PREX2: variants seen among roughly 807,000 people sequenced by gnomAD.
PREX2 encodes the protein phosphatidylinositol-3,4,5-trisphosphate dependent Rac exchange factor 2.
In PREX2, 107 loss-of-function variants were observed where a neutral mutation model predicts 203.2. The ratio of observed to expected loss-of-function variants is 0.53; its 90% CI spans 0.45 to 0.62. The LOEUF (loss-of-function observed/expected upper bound fraction) is 0.62, where lower values mean the gene tolerates loss of function less well. PREX2 is among the 20% of genes least tolerant of loss of function. The probability of loss-of-function intolerance (pLI) is 0.00; values close to 1 mark genes in which losing one functional copy is unlikely to be tolerated. For missense variants in PREX2, 1,777 were observed against 1,955.9 expected, an observed-to-expected ratio of 0.91 and a Z score of 1.72; for synonymous variants, 672 against 663.6, an observed-to-expected ratio of 1.01 and a Z score of -0.19.
intron 25 of PREX2, among the ~76,000 whole-genome samples, chr8:68,110,591 G>A (rs1029257176): frequency 5.3e-5 from 8 of 151,864 alleles, no homozygotes; most frequent in Admixed American, 1.3e-4. Context: ...AAATGGCTAC[G>A]GATGTGAACT....
At chr8:68,083,138 A>G (rs1378920916) in intron 17 of PREX2, 102 bp from the exon 18 acceptor site, 5 of 780,108 alleles carry the variant, frequency 6.4e-6, no homozygotes, top group Non-Finnish European at 1.0e-5. Context: ...TAAAATGTCA[A>G]TATCTATAAG....
At position 68,232,418 on chromosome 8, in the gene PREX2, C is replaced by T. The variant is rs188266216; in HGVS notation, c.*1040C>T. ...TATGGATGCACAAGGTGTATTCTAT[C>T]CTTATTCTAAAGTATATGTAATGTT... On this transcript the variant is annotated 3_prime_UTR_variant, in exon 40 of 40. Transcript: ENST00000288368. 17 of 152,120 alleles carry T rather than the reference C, an allele frequency of 1.1e-4. No homozygotes were observed. The East Asian group carries it at 3.3e-3, about 29-fold the overall frequency. 9.4% of individuals were successfully genotyped at this position (152,120 alleles called of 1,614,324 possible).
At position 68,038,166 on chromosome 8, in the gene PREX2, A is replaced by G. The variant is rs145510081; in HGVS notation, c.713A>G (p.Asn238Ser). ...QSHIEGWEGS[N>S]ITDTCTEMLM... ...GCATTTCTCCTGACTTAGGGGTCCA[A>G]CATCACTGACACCTGCACTGAAATG... is the stretch of plus-strand genomic sequence containing the variant. The change falls in exon 7 of 40, where the codon AAC becomes AGC. Residue 238 changes from asparagine (N) to serine (S), a missense_variant. By Grantham distance (46) the Asn-to-Ser change is conservative. Coordinates refer to ENST00000288368, the MANE Select transcript of PREX2 (RefSeq NM_024870.4). 18 of 1,613,476 alleles carry G rather than the reference A, an allele frequency of 1.1e-5. No individual in the cohort carries two copies. The highest frequency in any genetic ancestry group is 5.3e-5 in the African/African-American group (4 of 74,912).
At chr8:68,038,054 C>A (rs6986739) in intron 6 of PREX2, 105 bp from the exon 7 acceptor site, 630,719 of 1,255,638 alleles carry the variant, frequency 0.5, 164,016 homozygotes, top group African/African-American at 0.78. Context: ...CTGTGCATAG[C>A]TTGCTTCTTA....
intron 11 of PREX2, among the ~76,000 whole-genome samples, chr8:68,066,182 A>T (rs917998556): frequency 2.0e-5 from 3 of 152,154 alleles, no homozygotes; most frequent in African/African-American, 7.2e-5. Flanking sequence ...TGCAGTGAAC[A>T]TGGGGGTACA....
intron 1 of PREX2, among the ~76,000 whole-genome samples, chr8:68,016,207 G>A (rs555967814): frequency 8.5e-5 from 13 of 152,220 alleles, no homozygotes; most frequent in Non-Finnish European, 1.8e-4. Context: ...ACTACCCATT[G>A]CGTTTTGGTA....
At position 68,135,099 on chromosome 8, in the gene PREX2, T is replaced by TGTGTGTGTGTGTG. The variant is rs58263470; in HGVS notation, c.3984+823_3984+824insGTGTGTGTGTGTG. Among the ~76,000 whole-genome samples, 1,188 of 148,882 alleles carry TGTGTGTGTGTGTG rather than the reference T, an allele frequency of 8.0e-3. 10 individuals are homozygous for TGTGTGTGTGTGTG. The highest frequency in any genetic ancestry group is 0.018 in the Middle Eastern group (5 of 284). ...ACATGTTTGAGCTTAAAAACAAATT[T>TGTGTGTGTGTGTG]TGTGTGTGTGTGTGTGTGTGTGTGT... On this transcript the variant is annotated intron_variant, in intron 32 of 39. Transcript: ENST00000288368.
At chr8:68,100,087 G>T (rs1485084683) in intron 23 of PREX2, 4 of 618,914 alleles carry the variant, frequency 6.5e-6, no homozygotes, top group Admixed American at 1.8e-5. Flanking sequence ...GAGGCCTAAA[G>T]AATTAAATTA....
chr8:68,020,673 A>G (rs962805475), intron 3 of PREX2, among the ~76,000 whole-genome samples: 15 of 152,154 alleles, frequency 9.9e-5, no homozygotes, highest in Non-Finnish European at 1.0e-4. Context: ...TTTCTTGGGC[A>G]CAGCTGGAAG....
At chr8:68,090,040 A>G (rs1809821946) in intron 19 of PREX2, among the ~76,000 whole-genome samples, 1 of 152,262 alleles carries the variant, frequency 6.6e-6, no homozygotes, top group African/African-American at 2.4e-5. Flanking sequence ...CATCTTTCTG[A>G]CTTTTTGTAT....
At chr8:68,108,547 A>G (rs893826876) in intron 24 of PREX2, among the ~76,000 whole-genome samples, 5 of 152,326 alleles carry the variant, frequency 3.3e-5, no homozygotes, top group Admixed American at 6.5e-5. Flanking sequence ...TCTTCTAAGA[A>G]GGATGATTGC....
rs1225145596 is a variant in PREX2, at chr8:68,097,006, C to G, written c.2369-11C>G. 1 of 1,608,654 alleles carries G rather than the reference C, an allele frequency of 6.2e-7. No individual in the cohort carries two copies. Among genetic ancestry groups the G allele is most frequent in the Admixed American group, 1.7e-5 (1 of 59,678 alleles). On this transcript the variant is annotated splice_polypyrimidine_tract_variant and intron_variant, in intron 21 of 39. Coordinates refer to ENST00000288368, the MANE Select transcript of PREX2 (RefSeq NM_024870.4). ...CATGAATTTACTGAGTTACAGTTGT[C>G]TTTGTTCCAGAGGTTATTGACAAAT...
Position 68,218,958 on chromosome 8 carries a change from G to GAT in PREX2, c.4707+1248_4707+1249dup, listed in dbSNP as rs761925288. 3.0e-4 allele frequency among the ~76,000 whole-genome samples: 45 copies of GAT among 152,248 alleles called. 1 individual carries two copies. In the East Asian group the frequency reaches 5.2e-3, roughly 18 times the overall value. The stretch of plus-strand genomic sequence containing the variant: ...CAGCAGGTTTAGGAAGGACTTTTTG[G>GAT]ATATATATACAAATTATGTTTTAAA... On this transcript the variant is annotated intron_variant, in intron 38 of 39. Coordinates refer to ENST00000288368, the MANE Select transcript of PREX2 (RefSeq NM_024870.4).
chr8:68,062,849 T>C (rs550690031), intron 11 of PREX2, among the ~76,000 whole-genome samples: 1 of 152,242 alleles, frequency 6.6e-6, no homozygotes, highest in South Asian at 2.1e-4. Flanking sequence ...TCCCTATCCC[T>C]TCCCTGGCCT....
chr8:68,049,437 T>C (rs1401606673), intron 8 of PREX2, among the ~76,000 whole-genome samples: 1 of 152,056 alleles, frequency 6.6e-6, no homozygotes, highest in African/African-American at 2.4e-5. Flanking sequence ...AATGCAAATT[T>C]ATTGAAAGAA....
intron 35 of PREX2, among the ~76,000 whole-genome samples, chr8:68,179,044 T>C (rs951917446): frequency 6.6e-5 from 10 of 152,176 alleles, no homozygotes; most frequent in Non-Finnish European, 1.2e-4. Flanking sequence ...TTTTGGTTTA[T>C]AATTAACAAA....
intron 6 of PREX2, among the ~76,000 whole-genome samples, chr8:68,034,169 AT>A (rs1305751338): frequency 6.6e-6 from 1 of 152,108 alleles, no homozygotes; most frequent in Non-Finnish European, 1.5e-5. Flanking sequence ...TTATTTGTTC[AT>A]TTTTGAAGTT....
chr8:68,059,552 C>T (rs764780859), intron 10 of PREX2, among the ~76,000 whole-genome samples: 3 of 152,164 alleles, frequency 2.0e-5, no homozygotes, highest in East Asian at 1.9e-4. Context: ...TGTAGTAGAA[C>T]TTTTCTATGT....
chr8:68,056,862 G>T (rs1348114263), intron 10 of PREX2, among the ~76,000 whole-genome samples: 1 of 152,186 alleles, frequency 6.6e-6, no homozygotes, highest in Non-Finnish European at 1.5e-5. Context: ...CCACCAATTT[G>T]TTGTGTGATT....
Sources: gnomAD v4.1 joint callset for allele counts (sites outside exome capture counted in the v4.1 genomes callset) on GRCh38, gnomAD v4.1.1 for gene constraint, MANE v1.5 for transcripts, NCBI Gene and HGNC (gene_info 2026-07-23, HGNC 2026-07-21) for gene names.